SAMSN1: variants seen among roughly 807,000 people sequenced by gnomAD.
SAMSN1 encodes the protein SAM domain-containing protein SAMSN-1.
SAMSN1 carries 31 observed loss-of-function variants against 42.0 expected under a neutral mutation model. The observed-to-expected ratio is 0.74, with a 90% CI of 0.55 to 1.00. SAMSN1 has a LOEUF of 1.00. SAMSN1 is among the 50% of genes least tolerant of loss of function. SAMSN1 has a pLI of 0.00. For missense variants in SAMSN1, 464 were observed against 439.4 expected, an observed-to-expected ratio of 1.06 and a Z score of -0.50; for synonymous variants, 178 against 151.9, an observed-to-expected ratio of 1.17 and a Z score of -1.26.
intron 2 of SAMSN1, among the ~76,000 whole-genome samples, chr21:14,567,298 T>G (rs9983068): frequency 0.19 from 22,599 of 119,428 alleles, 1,824 homozygotes; most frequent in East Asian, 0.38. Context: ...ACGGCAAGCT[T>G]GAAAAAAAAA....
At chr21:14,654,823 G>C (rs1236389044) in intron 1 of SAMSN1, among the ~76,000 whole-genome samples, 1 of 151,630 alleles carries the variant, frequency 6.6e-6, no homozygotes, top group Admixed American at 6.6e-5. Context: ...TGCCTCACTA[G>C]TAGATAAAGC....
At chr21:14,548,477 C>A (rs1205835276), upstream of SAMSN1, among the ~76,000 whole-genome samples, 1 of 152,028 alleles carries the variant, frequency 6.6e-6, no homozygotes, top group Non-Finnish European at 1.5e-5. Flanking sequence ...TTTTTAAAAG[C>A]GTTATACTCA....
intron 1 of SAMSN1, among the ~76,000 whole-genome samples, chr21:14,649,149 T>C (rs926045874): frequency 1.6e-4 from 24 of 151,866 alleles, no homozygotes; most frequent in Non-Finnish European, 3.1e-4. Context: ...AAATCATCAT[T>C]GTCAGTAAAA....
At chr21:14,500,106 G>A (rs895041100) in intron 6 of SAMSN1, among the ~76,000 whole-genome samples, 1 of 152,066 alleles carries the variant, frequency 6.6e-6, no homozygotes, top group Non-Finnish European at 1.5e-5. Flanking sequence ...ATTATATTCA[G>A]TTATCTTCTC....
chr21:14,489,283 C>T (rs1467181495), intron 7 of SAMSN1, among the ~76,000 whole-genome samples: 1 of 152,106 alleles, frequency 6.6e-6, no homozygotes, highest in Non-Finnish European at 1.5e-5. Flanking sequence ...ATGGACTTCC[C>T]ATAGGATGTT....
At chr21:14,539,699 G>C (rs939097365) in intron 1 of SAMSN1, among the ~76,000 whole-genome samples, 1 of 152,052 alleles carries the variant, frequency 6.6e-6, no homozygotes, top group Non-Finnish European at 1.5e-5. Flanking sequence ...AATCAATATC[G>C]TGAAAATGGC....
chr21:14,653,391 G>T (rs1983865499), intron 1 of SAMSN1, among the ~76,000 whole-genome samples: 2 of 151,996 alleles, frequency 1.3e-5, no homozygotes, highest in African/African-American at 4.8e-5. Context: ...AAATAATTCA[G>T]TCACTGAAAG....
At chr21:14,623,599 A>G (rs1983077467) in intron 2 of SAMSN1, among the ~76,000 whole-genome samples, 1 of 152,234 alleles carries the variant, frequency 6.6e-6, no homozygotes, top group South Asian at 2.1e-4. Context: ...ATATGGACCC[A>G]AAACAGAAGC....
intron 2 of SAMSN1, among the ~76,000 whole-genome samples, chr21:14,616,212 AT>A (rs1982833863): frequency 6.6e-6 from 1 of 152,042 alleles, no homozygotes; most frequent in Admixed American, 6.6e-5. Flanking sequence ...TTTGGCTCAC[AT>A]TTTAACTTTT....
At chr21:14,537,600 G>C (rs1979713459) in intron 1 of SAMSN1, among the ~76,000 whole-genome samples, 1 of 152,100 alleles carries the variant, frequency 6.6e-6, no homozygotes, top group Non-Finnish European at 1.5e-5. Flanking sequence ...CTTTTGAAAA[G>C]TAGAAAAAAG....
chr21:14,649,772 AACACAC>A (rs60905314), intron 1 of SAMSN1, among the ~76,000 whole-genome samples: 172 of 135,728 alleles, frequency 1.3e-3, no homozygotes, highest in African/African-American at 2.7e-3. Flanking sequence ...ACTGTCTCAA[AACACAC>A]ACACACACAC....
rs575047239 is a variant in SAMSN1 at position 14,656,482 on chromosome 21, T to C, written c.24+2266A>G. Among the ~76,000 whole-genome samples, 98 of 151,870 alleles carry C rather than the reference T, an allele frequency of 6.5e-4. 2 individuals are homozygous for C. Among genetic ancestry groups the C allele is most frequent in the South Asian group, 6.0e-3 (29 of 4,818 alleles). On this transcript the variant is annotated intron_variant, in intron 1 of 15. Coordinates refer to the SAMSN1 transcript ENST00000647101. ...TCATGGGTTACAAAGACATGTTAAA[T>C]GCAATAACTATATGATGAGCTCAAC...
intron 7 of SAMSN1, among the ~76,000 whole-genome samples, chr21:14,491,920 T>C (rs1237124928): frequency 1.3e-5 from 2 of 152,356 alleles, no homozygotes; most frequent in South Asian, 2.1e-4. Context: ...TGCATATTAG[T>C]GATCTACAAT....
intron 2 of SAMSN1, among the ~76,000 whole-genome samples, chr21:14,555,282 C>T (rs772535680): frequency 3.9e-5 from 6 of 152,126 alleles, no homozygotes; most frequent in Non-Finnish European, 4.4e-5. Context: ...CCTTTCTATC[C>T]TTCTCCCAAA....
chr21:14,527,800 A>G (rs893279281), intron 1 of SAMSN1, among the ~76,000 whole-genome samples: 2 of 150,602 alleles, frequency 1.3e-5, no homozygotes, highest in African/African-American at 4.9e-5. Context: ...ATGATCCATA[A>G]CCTCTAAAAG....
intron 1 of SAMSN1, among the ~76,000 whole-genome samples, chr21:14,524,608 T>C (rs1978716517): frequency 6.6e-6 from 1 of 152,198 alleles, no homozygotes; most frequent in Non-Finnish European, 1.5e-5. Flanking sequence ...ATTCCATTTC[T>C]AGATGTCTTT....
At chr21:14,499,932 G>A (rs1252847755) in intron 6 of SAMSN1, among the ~76,000 whole-genome samples, 1 of 152,268 alleles carries the variant, frequency 6.6e-6, no homozygotes, top group East Asian at 1.9e-4. Flanking sequence ...GATACTAGGT[G>A]TAGTGTATGT....
rs1982739083 is a variant in SAMSN1 at position 14,612,701 on chromosome 21, G to A, written c.235+175C>T. ...ATAAATCAATGATTTCTTTGTCATA[G>A]CCATTTAAAGTTAGAATGAAGCCAC... On this transcript the variant is annotated intron_variant, in intron 4 of 15. Transcript: ENST00000647101. The A allele has an allele frequency of 6.1e-6, 4 of 653,408 alleles. No individual in the cohort carries two copies. The Admixed American group carries it at 8.9e-5, about 14-fold the overall frequency. The allele number at this position is 653,408 out of a possible 1,614,324, so 40.5% of individuals were successfully genotyped here.
rs187901323 is a variant in SAMSN1, at chr21:14,574,852, A to G, written c.261+7284T>C. ...ATCTTCTACTATTATAATATCTCAT[A>G]TTTTATGTGTTTATTCTACAAGCTC... On this transcript the variant is annotated intron_variant, in intron 2 of 8. Transcript: ENST00000285670. 1.7e-3 allele frequency among the ~76,000 whole-genome samples: 258 copies of G among 152,210 alleles called. 2 individuals are homozygous for G. Among genetic ancestry groups the G allele is most frequent in the African/African-American group, 5.8e-3 (239 of 41,540 alleles).
Sources: allele counts gnomAD v4.1 joint callset (sites outside exome capture counted in the v4.1 genomes callset), GRCh38; gene constraint gnomAD v4.1.1; transcripts MANE v1.5; gene names NCBI Gene and HGNC (gene_info 2026-07-23, HGNC 2026-07-21).